The following RARS2 variants were observed in gnomAD, a reference collection of about 807,000 sequenced individuals.
RARS2 encodes the protein arginyl-tRNA synthetase 2, mitochondrial.
In RARS2, 67 loss-of-function variants were observed where a neutral mutation model predicts 88.5. The observed-to-expected ratio is 0.76, with a 90% CI of 0.62 to 0.93. The LOEUF (loss-of-function observed/expected upper bound fraction) is 0.93. Among genes scored for constraint, RARS2 ranks in the 40% least tolerant of loss-of-function variants. The pLI is 0.00. For missense variants in RARS2, 664 were observed against 684.2 expected, an observed-to-expected ratio of 0.97 and a Z score of 0.33; for synonymous variants, 239 against 230.3, an observed-to-expected ratio of 1.04 and a Z score of -0.34.
In RARS2 at chr6:87,539,670, A is replaced by T. The variant is rs193022771; in HGVS notation, c.612+2248T>A. Reference sequence around the variant, plus strand: ...CCAGCCAATGGAAACCAGACACAGCAGTAAGGTGGATGTGTCAAGTTATAA... The same window carrying T: ...CCAGCCAATGGAAACCAGACACAGCTGTAAGGTGGATGTGTCAAGTTATAA... On this transcript the variant is annotated intron_variant, in intron 8 of 19. Transcript: ENST00000369536. Among the ~76,000 whole-genome samples, 380 of 152,346 alleles carry T rather than the reference A, an allele frequency of 2.5e-3. 2 individuals are homozygous for T. Among genetic ancestry groups the T allele is most frequent in the African/African-American group, 8.8e-3 (366 of 41,586 alleles).
intron 7 of RARS2, among the ~76,000 whole-genome samples, chr6:87,542,734 G>A (rs67978476): frequency 3.4e-5 from 5 of 148,022 alleles, no homozygotes; most frequent in African/African-American, 1.2e-4. Context: ...CAGTCTGGGA[G>A]TATGTAGACT....
intron 4 of RARS2, among the ~76,000 whole-genome samples, chr6:87,558,523 G>A (rs1287414827): frequency 6.6e-6 from 1 of 152,140 alleles, no homozygotes; most frequent in Non-Finnish European, 1.5e-5. Context: ...AACACCTACA[G>A]TAATGCACCA....
At chr6:87,568,413 T>C (rs1410680522) in intron 2 of RARS2, among the ~76,000 whole-genome samples, 1 of 152,068 alleles carries the variant, frequency 6.6e-6, no homozygotes, top group East Asian at 1.9e-4. Flanking sequence ...GGTGGGAGGA[T>C]CACTTGAGCA....
At chr6:87,556,962 T>G (rs1165065886) in intron 4 of RARS2, among the ~76,000 whole-genome samples, 1 of 151,936 alleles carries the variant, frequency 6.6e-6, no homozygotes, top group Admixed American at 6.6e-5. Flanking sequence ...CCAAAATGCA[T>G]CTTGAGTCTT....
chr6:87,577,128 T>G (rs1771818801), intron 1 of RARS2, among the ~76,000 whole-genome samples: 1 of 152,162 alleles, frequency 6.6e-6, no homozygotes, highest in South Asian at 2.1e-4. Context: ...GAAGAAAAAA[T>G]GTGAGATAAG....
intron 4 of RARS2, among the ~76,000 whole-genome samples, chr6:87,562,019 C>T (rs1787990553): frequency 6.6e-6 from 1 of 152,182 alleles, no homozygotes; most frequent in Admixed American, 6.5e-5. Flanking sequence ...GGTTGGAGTG[C>T]AATAGCACAA....
chr6:87,522,061 C>T (rs990176644), intron 11 of RARS2, among the ~76,000 whole-genome samples: 12 of 152,066 alleles, frequency 7.9e-5, no homozygotes, highest in African/African-American at 2.2e-4. Flanking sequence ...CCAGGTGTGG[C>T]GGCTCACGCC....
intron 9 of RARS2, 59 bp downstream of exon 9, chr6:87,530,725 G>A: frequency 1.9e-6 from 3 of 1,576,800 alleles, no homozygotes; most frequent in Non-Finnish European, 1.7e-6. Flanking sequence ...TTACTATGCA[G>A]GTAACAGCCG....
intron 6 of RARS2, among the ~76,000 whole-genome samples, chr6:87,547,984 G>A (rs1200751910): frequency 2.0e-5 from 3 of 152,132 alleles, no homozygotes; most frequent in South Asian, 2.1e-4. Flanking sequence ...ATTCCACTAA[G>A]TGCTCACATG....
At chr6:87,588,585 C>T (rs1775905907) in intron 1 of RARS2, among the ~76,000 whole-genome samples, 1 of 152,042 alleles carries the variant, frequency 6.6e-6, no homozygotes, top group Admixed American at 6.6e-5. Flanking sequence ...ATGTTGTCCA[C>T]GCTGGTCTCG....
At chr6:87,544,136 C>T (rs1424227268) in intron 7 of RARS2, among the ~76,000 whole-genome samples, 1 of 152,146 alleles carries the variant, frequency 6.6e-6, no homozygotes, top group Non-Finnish European at 1.5e-5. Context: ...TTAATGAATA[C>T]CCTAATCACA....
chr6:87,569,268 G>C (rs1768874359), intron 2 of RARS2, among the ~76,000 whole-genome samples: 1 of 152,032 alleles, frequency 6.6e-6, no homozygotes, highest in South Asian at 2.1e-4. Flanking sequence ...CACAATTATA[G>C]TTACTAGCAT....
At chr6:87,547,929 T>C (rs1035902681) in intron 6 of RARS2, among the ~76,000 whole-genome samples, 12 of 152,200 alleles carry the variant, frequency 7.9e-5, no homozygotes, top group Admixed American at 1.3e-4. Context: ...TGTGAGCCAC[T>C]ATGCCCGGCC....
At position 87,542,013 on chromosome 6, in the gene RARS2, A is replaced by G. The variant is rs1375441131; in HGVS notation, c.536-19T>C. The G allele has an allele frequency of 1.3e-6, 2 of 1,597,994 alleles. No individual in the cohort carries two copies. Among genetic ancestry groups the G allele is most frequent in the Non-Finnish European group, 1.7e-6 (2 of 1,166,086 alleles). On this transcript the variant is annotated intron_variant, in intron 7 of 19. Transcript: ENST00000369536. Reference sequence around the variant, plus strand: ...AGAAGACCTACCATGATAATCCGTAAATGAAAAATTATAAAGTTGAACAAC... The same window carrying G: ...AGAAGACCTACCATGATAATCCGTAGATGAAAAATTATAAAGTTGAACAAC...
chr6:87,581,889 A>G (rs1421322537), intron 1 of RARS2, among the ~76,000 whole-genome samples: 3 of 152,142 alleles, frequency 2.0e-5, no homozygotes, highest in Admixed American at 6.5e-5. Context: ...TGCTGAGAAT[A>G]ATGGTTTCTG....
At chr6:87,548,398 T>C (rs1783269669) in intron 6 of RARS2, among the ~76,000 whole-genome samples, 193 bp downstream of exon 6, 1 of 152,246 alleles carries the variant, frequency 6.6e-6, no homozygotes, top group Non-Finnish European at 1.5e-5. Flanking sequence ...TCTTTTGGTT[T>C]TGAAATCAAT....
intron 8 of RARS2, among the ~76,000 whole-genome samples, chr6:87,537,353 A>T (rs1779510489): frequency 6.6e-6 from 1 of 152,246 alleles, no homozygotes; most frequent in Non-Finnish European, 1.5e-5. Context: ...GTGTGGGGAC[A>T]TTCACTGCAT....
chr6:87,535,653 T>C lies in RARS2; in HGVS notation c.613-4711A>G, dbSNP rs189992471. The stretch of plus-strand genomic sequence containing the variant: ...GAACTTAAAGAAATTTTTATACTAT[T>C]TGTGTTATTATGTAACTGTTTTGTT... On this transcript the variant is annotated intron_variant, in intron 8 of 19. Transcript: ENST00000369536. 2.2e-3 allele frequency among the ~76,000 whole-genome samples: 340 copies of C among 151,510 alleles called. 2 individuals are homozygous for C. Among genetic ancestry groups the C allele is most frequent in the Non-Finnish European group, 2.7e-3 (185 of 67,920 alleles).
intron 6 of RARS2, among the ~76,000 whole-genome samples, chr6:87,547,935 C>T (rs1054145756): frequency 2.6e-5 from 4 of 152,158 alleles, no homozygotes; most frequent in African/African-American, 9.7e-5. Flanking sequence ...CCACTATGCC[C>T]GGCCAGAAAT....
Sources: gnomAD v4.1 joint callset for allele counts (sites outside exome capture counted in the v4.1 genomes callset) on GRCh38, gnomAD v4.1.1 for gene constraint, MANE v1.5 for transcripts, NCBI Gene and HGNC (gene_info 2026-07-23, HGNC 2026-07-21) for gene names.